The following INPP5J variants were observed in gnomAD, a reference collection of about 807,000 sequenced individuals.
The protein encoded by INPP5J is inositol polyphosphate-5-phosphatase J.
A neutral mutation model predicts 86.6 loss-of-function variants in INPP5J; 75 were observed. The ratio of observed to expected loss-of-function variants is 0.87; its 90% CI spans 0.72 to 1.05. The LOEUF (loss-of-function observed/expected upper bound fraction) is 1.05, where lower values mean the gene tolerates loss of function less well. INPP5J is among the 50% of genes least tolerant of loss of function. INPP5J has a pLI of 0.00. For synonymous variants in INPP5J, 540 were observed against 550.0 expected (o/e 0.98, Z 0.25); for missense variants, 1,229 against 1,341.2 (o/e 0.92, Z 1.31).
intron 9 of INPP5J, among the ~76,000 whole-genome samples, chr22:31,130,393 A>C (rs998446524): frequency 6.6e-6 from 1 of 152,022 alleles, no homozygotes; most frequent in Non-Finnish European, 1.5e-5. Flanking sequence ...GCACACCTGT[A>C]TTCCCAGCTA....
At position 31,125,338 on chromosome 22, in the gene INPP5J, C is replaced by T. The variant is rs1015480812; in HGVS notation, c.599C>T (p.Ser200Phe). ...GAGGAGCAGCCCCCAGAACTCCCCTCCACCCCTTCCCCGGTGCCCAGTCCA... is the reference window on the plus strand; with the variant it reads ...GAGGAGCAGCCCCCAGAACTCCCCTTCACCCCTTCCCCGGTGCCCAGTCCA... ...ASEEQPPELP[S>F]TPSPVPSPVL... Residue 200 changes from serine (S) to phenylalanine (F), a missense_variant, in exon 2 of 13, where the codon TCC becomes TTC. Transcript: ENST00000331075. 1.2e-5 allele frequency: 18 copies of T among 1,550,566 alleles called. No individual in the cohort carries two copies. In the Admixed American group the frequency reaches 3.3e-4, roughly 29 times the overall value.
chr22:31,128,204 C>A lies in INPP5J; in HGVS notation c.1900-10C>A, dbSNP rs774216867. 46 of 1,576,544 alleles carry A rather than the reference C, an allele frequency of 2.9e-5. No individual in the cohort carries two copies. Among genetic ancestry groups the A allele is most frequent in the Non-Finnish European group, 3.9e-5 (45 of 1,158,402 alleles). On this transcript the variant is annotated splice_polypyrimidine_tract_variant and intron_variant, in intron 7 of 12. Transcript: ENST00000331075. ...CTGTTGTCCAATCTGCTCTCCTGGA[C>A]CCCCCACAGCTCAACATGGCCAAGA...
rs113313078 is a variant in INPP5J, at chr22:31,134,292, G to A, written c.2894G>A (p.Arg965His). 8.6e-5 allele frequency: 134 copies of A among 1,555,120 alleles called. 1 individual carries two copies. The highest frequency in any genetic ancestry group is 5.0e-4 in the Middle Eastern group (3 of 5,984). The part of the protein sequence containing the change: ...PRSLGLLPAL[R>H]LETVDPGGGG... ...AGCCTGGGCCTGTTGCCCGCCTTGC[G>A]CCTAGAGACTGTAGACCCTGGTGGT... Residue 965 changes from arginine to histidine, a missense_variant, in exon 13 of 13, where the codon CGC (arginine) becomes CAC (histidine). Arg to His is a conservative substitution (Grantham distance 29). Coordinates refer to ENST00000331075, the MANE Select transcript of INPP5J (RefSeq NM_001284285.2).
chr22:31,128,681 A>C (rs1164374006), intron 9 of INPP5J, 27 bp downstream of exon 9: 9 of 1,542,698 alleles, frequency 5.8e-6, no homozygotes, highest in East Asian at 2.3e-5. Context: ...TCCTCCCCGC[A>C]TGAAATCCCC....
intron 8 of INPP5J, 71 bp downstream of exon 8, chr22:31,128,394 G>T: frequency 1.9e-6 from 3 of 1,574,412 alleles, no homozygotes; most frequent in South Asian, 2.3e-5. Flanking sequence ...ACTTTGGGAA[G>T]AGGGGCAGGA....
upstream of INPP5J, chr22:31,122,941 G>A (rs1444925036): frequency 3.0e-6 from 3 of 1,011,054 alleles, no homozygotes; most frequent in African/African-American, 5.1e-5. Flanking sequence ...AATGGCTGAT[G>A]ACATCACTGG....
chr22:31,125,666 C>A lies in INPP5J; in HGVS notation c.927C>A (p.Gly309=), dbSNP rs758622766. 6.4e-7 allele frequency: 1 copy of A among 1,550,592 alleles called. No individual in the cohort carries two copies. The highest frequency in any genetic ancestry group is 1.2e-5 in the South Asian group (1 of 84,066). ...CCCAGACCTTGCCCTTGGATGTGGG[C>A]CAGGGTCCTTCAGAGCCTGGCACTC... ...RPPQTLPLDV[G]QGPSEPGTHS... The change falls in exon 2 of 13, where the codon GGC becomes GGA. Residue 309 remains glycine, a synonymous_variant. Transcript: ENST00000331075.
chr22:31,131,525 T>C lies in INPP5J; in HGVS notation c.2194-1573T>C, dbSNP rs940030882. On this transcript the variant is annotated intron_variant, in intron 9 of 12. Coordinates refer to ENST00000331075, the MANE Select transcript of INPP5J (RefSeq NM_001284285.2). ...TTGCAGTGAGTTGAGATGGCACCACTGCACTCCAGCCTGGGCTACAGAGCG... is the reference window on the plus strand; with the variant it reads ...TTGCAGTGAGTTGAGATGGCACCACCGCACTCCAGCCTGGGCTACAGAGCG... Among the ~76,000 whole-genome samples, 12 of 151,038 alleles carry C rather than the reference T, an allele frequency of 7.9e-5. No homozygotes were observed. In the East Asian group the frequency reaches 2.3e-3, roughly 29 times the overall value.
In INPP5J at chr22:31,128,631, G is replaced by A. The variant is rs1265474485; in HGVS notation, c.2170G>A (p.Val724Met). 1 of 1,594,430 alleles carries A rather than the reference G, an allele frequency of 6.3e-7. No homozygotes were observed. The highest frequency in any genetic ancestry group is 1.3e-5 in the African/African-American group (1 of 74,264). The change falls in exon 9 of 13, where the codon GTG becomes ATG. Residue 724 changes from valine to methionine, a missense_variant. Coordinates refer to ENST00000331075, the MANE Select transcript of INPP5J (RefSeq NM_001284285.2). ...MEYTVSDHKPVAAQFLLQFAF... is the reference protein window; with the variant it reads ...MEYTVSDHKPMAAQFLLQFAF... The stretch of plus-strand genomic sequence containing the variant: ...ATACACAGTCAGCGACCACAAGCCT[G>A]TGGCTGCCCAGTTCCTCCTGCAGGT...
At chr22:31,131,618 G>T (rs902844339) in intron 9 of INPP5J, among the ~76,000 whole-genome samples, 1 of 151,854 alleles carries the variant, frequency 6.6e-6, no homozygotes, top group Non-Finnish European at 1.5e-5. Context: ...CCTGTGTAGT[G>T]CACTTTACAT....
At chr22:31,124,537 G>T (rs907784621) in intron 1 of INPP5J, among the ~76,000 whole-genome samples, 2 of 152,172 alleles carry the variant, frequency 1.3e-5, no homozygotes, top group African/African-American at 4.8e-5. Context: ...GGGTGTGGGT[G>T]CCAGCCAGGA....
rs1922339114 is a variant in INPP5J, at chr22:31,133,932, A to G, written c.2534A>G (p.Glu845Gly). 1 of 1,611,844 alleles carries G rather than the reference A, an allele frequency of 6.2e-7. No homozygotes were observed. Among genetic ancestry groups the G allele is most frequent in the African/African-American group, 1.3e-5 (1 of 74,858 alleles). The change falls in exon 13 of 13, where the codon GAG (glutamate) becomes GGG (glycine). Residue 845 changes from glutamate (E) to glycine (G), a missense_variant. Glu to Gly is a moderately conservative substitution (Grantham distance 98). Transcript: ENST00000331075. ...EPFQISLPSS[E>G]LASSSTDSSG... is the part of the protein sequence containing the mutation. ...CCCCAGATCTCGCTGCCTTCCTCGG[A>G]GTTGGCCAGCAGCAGCACAGACAGC...
upstream of INPP5J, chr22:31,122,814 A>C: frequency 2.1e-6 from 1 of 484,370 alleles, no homozygotes; most frequent in South Asian, 3.7e-5. Context: ...TCCCCACTCC[A>C]TGGCTGTTCC....
chr22:31,126,189 C>T, intron 2 of INPP5J, 179 bp downstream of exon 2: 2 of 797,814 alleles, frequency 2.5e-6, no homozygotes, highest in Non-Finnish European at 3.9e-6. Context: ...AAGGAACTTG[C>T]CGCCTCTCAG....
rs879926347 is a variant in INPP5J, at chr22:31,133,087, T to C, written c.2194-11T>C. 1 of 1,557,036 alleles carries C rather than the reference T, an allele frequency of 6.4e-7. No homozygotes were observed. The highest frequency in any genetic ancestry group is 8.7e-7 in the Non-Finnish European group (1 of 1,150,050). Reference sequence around the variant, plus strand: ...CTGATGTGGCCCCCTGCCCCTGCCTTGCCTGGACAGTTTGCCTTCAGGGAC... The same window carrying C: ...CTGATGTGGCCCCCTGCCCCTGCCTCGCCTGGACAGTTTGCCTTCAGGGAC... On this transcript the variant is annotated splice_polypyrimidine_tract_variant and intron_variant, in intron 9 of 12. Coordinates refer to ENST00000331075, the MANE Select transcript of INPP5J (RefSeq NM_001284285.2).
At chr22:31,128,943 T>C (rs1260155383) in intron 9 of INPP5J, among the ~76,000 whole-genome samples, 1 of 146,652 alleles carries the variant, frequency 6.8e-6, no homozygotes, top group African/African-American at 2.5e-5. Flanking sequence ...TTTTTTTTTT[T>C]TTTTTTTGAG....
intron 9 of INPP5J, among the ~76,000 whole-genome samples, chr22:31,132,509 G>T (rs1438310805): frequency 6.6e-6 from 1 of 152,148 alleles, no homozygotes; most frequent in African/African-American, 2.4e-5. Context: ...GGAGGCTGAG[G>T]TGGGTGGATC....
intron 6 of INPP5J, 48 bp from the exon 7 acceptor site, chr22:31,127,903 A>G (rs1371171166): frequency 9.2e-7 from 1 of 1,091,468 alleles, no homozygotes. Flanking sequence ...GGACCTGTTG[A>G]CACCCCCCAC....
At position 31,126,909 on chromosome 22, in the gene INPP5J, C is replaced by A; in HGVS notation, c.1495-12C>A. On this transcript the variant is annotated splice_polypyrimidine_tract_variant and intron_variant, in intron 4 of 12. Transcript: ENST00000331075. The stretch of plus-strand genomic sequence containing the variant: ...GTGTTCTGTCCCCCAGCCACGTGGC[C>A]TCCCGCTGCAGGTGAGTTCGGTGAG... 2.5e-6 allele frequency: 4 copies of A among 1,595,564 alleles called. No homozygotes were observed. Among genetic ancestry groups the A allele is most frequent in the Non-Finnish European group, 3.4e-6 (4 of 1,167,438 alleles).
Sources: gnomAD v4.1 joint callset for allele counts (sites outside exome capture counted in the v4.1 genomes callset) on GRCh38, gnomAD v4.1.1 for gene constraint, MANE v1.5 for transcripts, NCBI Gene and HGNC (gene_info 2026-07-23, HGNC 2026-07-21) for gene names.